TXNDC9: variants seen among roughly 807,000 people sequenced by gnomAD.
TXNDC9 encodes thioredoxin domain-containing protein 9.
Under a neutral mutation model 23.0 loss-of-function variants are expected in TXNDC9, and 7 were observed. That is an observed-to-expected ratio of 0.30 (90% CI 0.17 to 0.57). TXNDC9 has a LOEUF of 0.57. TXNDC9 is among the 20% of genes least tolerant of loss of function. The probability of loss-of-function intolerance (pLI) is 0.90; values close to 1 mark genes in which losing one functional copy is unlikely to be tolerated. For synonymous variants in TXNDC9, 72 were observed against 90.6 expected, an observed-to-expected ratio of 0.79 and a Z score of 1.17; for missense variants, 198 against 252.6, an observed-to-expected ratio of 0.78 and a Z score of 1.47.
chr2:99,315,529 T>C (rs2094187302), downstream of TXNDC9, among the ~76,000 whole-genome samples: 3 of 152,242 alleles, frequency 2.0e-5, no homozygotes, highest in Admixed American at 2.0e-4. Flanking sequence ...AGTGTTTTTA[T>C]ATTTGGTGTT....
chr2:99,315,062 A>ATTTT (rs748634802), downstream of TXNDC9, among the ~76,000 whole-genome samples: 1 of 107,974 alleles, frequency 9.3e-6, no homozygotes, highest in Non-Finnish European at 2.0e-5. Flanking sequence ...CGCCTGGTTA[A>ATTTT]TTTTTTTTTT....
intron 2 of TXNDC9, among the ~76,000 whole-genome samples, chr2:99,330,290 C>CAAGAAAAAAA (rs2094221726): frequency 3.6e-5 from 1 of 28,160 alleles, no homozygotes; most frequent in Non-Finnish European, 6.0e-5. Context: ...ACTCTTATCT[C>CAAGAAAAAAA]AAAAAAAAAA....
In TXNDC9 at chr2:99,321,981, G is replaced by A. The variant is rs746401217; in HGVS notation, c.537C>T (p.Leu179=). 10 of 1,611,372 alleles carry A rather than the reference G, an allele frequency of 6.2e-6. No individual in the cohort carries two copies. Among genetic ancestry groups the A allele is most frequent in the African/African-American group, 2.7e-5 (2 of 74,864 alleles). Residue 179 remains leucine (L), a synonymous_variant, in exon 4 of 5, where the codon CTC becomes CTT. Transcript: ENST00000264255. ...TGTAATTAAGAATGTCAGAAGAACC[G>A]AGCCTCCATTCTAAAGTTTCTGTGG... ...DFTTETLEWR[L]GSSDILNYSG... is the part of the protein sequence containing the mutation.
At chr2:99,326,483 T>C (rs2094213015) in intron 3 of TXNDC9, among the ~76,000 whole-genome samples, 2 of 152,218 alleles carry the variant, frequency 1.3e-5, no homozygotes, top group South Asian at 4.1e-4. Flanking sequence ...AGCTATGCTA[T>C]TAGCAAGTTT....
At chr2:99,320,616 T>G (rs137928717) in intron 4 of TXNDC9, among the ~76,000 whole-genome samples, 1 of 152,220 alleles carries the variant, frequency 6.6e-6, no homozygotes, top group Non-Finnish European at 1.5e-5. Flanking sequence ...GGACAATTAT[T>G]GGGACAATGA....
chr2:99,317,901 A>G (rs993395734), downstream of TXNDC9, among the ~76,000 whole-genome samples: 4 of 151,688 alleles, frequency 2.6e-5, no homozygotes, highest in Non-Finnish European at 5.9e-5. Context: ...AGCTGCCTCT[A>G]TTTTTTTGAG....
At chr2:99,335,522 A>G (rs902716620) in intron 1 of TXNDC9, among the ~76,000 whole-genome samples, 21 of 151,396 alleles carry the variant, frequency 1.4e-4, no homozygotes, top group African/African-American at 4.6e-4. Context: ...CGTGAGTGCT[A>G]TAAAATTGGA....
chr2:99,333,088 C>G lies in TXNDC9; in HGVS notation c.123G>C (p.Glu41Asp). The change falls in exon 2 of 5, where the codon GAG (glutamate) becomes GAC (aspartate). Residue 41 changes from glutamate to aspartate, a missense_variant. Transcript: ENST00000264255. ...SEIQKLDQMD[E>D]DELERLKEKR... ...TTTCTTTAAGGCGTTCCAATTCATC[C>G]TCATCCATCTGATCCAGTTTTTGAA... The G allele has an allele frequency of 6.2e-7, 1 of 1,614,080 alleles. No homozygotes were observed. Among genetic ancestry groups the G allele is most frequent in the Non-Finnish European group, 8.5e-7 (1 of 1,180,018 alleles).
intron 3 of TXNDC9, among the ~76,000 whole-genome samples, chr2:99,327,133 C>T (rs1186026980): frequency 1.7e-4 from 26 of 151,946 alleles, no homozygotes; most frequent in Non-Finnish European, 1.6e-4. Context: ...AGTGCAGTGT[C>T]GCGATCTCCG....
In TXNDC9 at chr2:99,321,951, T is replaced by TTACC. The variant is rs2094202867; in HGVS notation, c.563_563+3dup. On this transcript the variant is annotated splice_donor_region_variant and intron_variant, in intron 4 of 4. Transcript: ENST00000264255. Reference sequence around the variant, plus strand: ...AATCAATCTCTTCTTTTGTTAAAAGTTACCTGTAATTAAGAATGTCAGAAG... The same window carrying TTACC: ...AATCAATCTCTTCTTTTGTTAAAAGTTACCTACCTGTAATTAAGAATGTCAGAAG... 6.3e-7 allele frequency: 1 copy of TTACC among 1,598,918 alleles called. No individual in the cohort carries two copies. The highest frequency in any genetic ancestry group is 8.5e-7 in the Non-Finnish European group (1 of 1,172,974).
At position 99,324,066 on chromosome 2, in the gene TXNDC9, G is replaced by C. The variant is rs183780532; in HGVS notation, c.309-1857C>G. Among the ~76,000 whole-genome samples, 11 of 152,150 alleles carry C rather than the reference G, an allele frequency of 7.2e-5. No homozygotes were observed. The East Asian group carries it at 1.9e-3, about 27-fold the overall frequency. On this transcript the variant is annotated intron_variant, in intron 3 of 4. Transcript: ENST00000264255. ...TCACCATGTTGACTAGGCTGGTCTT[G>C]AACTGCTGACCTCAAGCAATCCACC...
chr2:99,325,873 T>G (rs1214227561), intron 3 of TXNDC9, among the ~76,000 whole-genome samples: 1 of 151,878 alleles, frequency 6.6e-6, no homozygotes, highest in African/African-American at 2.4e-5. Flanking sequence ...TAGCCGGGTG[T>G]AGTGGTGGGT....
chr2:99,312,261 T>C, the TXNDC9 span, among the ~76,000 whole-genome samples: 2 of 152,236 alleles, frequency 1.3e-5, no homozygotes, highest in South Asian at 4.1e-4. Context: ...TTTGGGAGGC[T>C]GAGGTGAGTG....
In TXNDC9 at chr2:99,332,977, C is replaced by T. The variant is rs546456271; in HGVS notation, c.189+45G>A. The T allele has an allele frequency of 7.8e-5, 115 of 1,472,822 alleles. 1 individual carries two copies. Among genetic ancestry groups the T allele is most frequent in the African/African-American group, 1.5e-4 (11 of 71,786 alleles). 91.2% of individuals were successfully genotyped at this position (1,472,822 alleles called of 1,614,324 possible). A position where few individuals can be genotyped will look rare whatever the true frequency, so the allele number is the denominator to read the frequency against. ...GCACATGTATATATAAGTTGTTAGG[C>T]GCATACTGTTATAGCAATTTCAGAA... On this transcript the variant is annotated intron_variant, in intron 2 of 4. Coordinates refer to ENST00000264255, the MANE Select transcript of TXNDC9 (RefSeq NM_005783.4).
intron 3 of TXNDC9, among the ~76,000 whole-genome samples, chr2:99,326,426 C>G (rs1191599007): frequency 3.9e-5 from 6 of 152,206 alleles, no homozygotes; most frequent in Non-Finnish European, 7.3e-5. Context: ...GCTTGTCTGT[C>G]CTGGGTAGGC....
intron 4 of TXNDC9, chr2:99,321,704 CTT>C (rs377762585): frequency 7.2e-5 from 29 of 403,378 alleles, no homozygotes; most frequent in African/African-American, 5.6e-4. Flanking sequence ...AAGCTGAAAA[CTT>C]TTATAGTCAG....
At chr2:99,329,002 T>C (rs1199883442) in intron 2 of TXNDC9, among the ~76,000 whole-genome samples, 1 of 151,798 alleles carries the variant, frequency 6.6e-6, no homozygotes, top group Non-Finnish European at 1.5e-5. Context: ...AAAATAAAAA[T>C]AATGCTTATG....
rs554178792 is a variant in TXNDC9 at position 99,334,469 on chromosome 2, G to A, written c.-32-1227C>T. On this transcript the variant is annotated intron_variant, in intron 1 of 4. Transcript: ENST00000264255. ...TAGACTATTTACACAAACCCAGATG[G>A]TACAGCCTGCTACACACCTAGGCTA... 1.2e-4 allele frequency among the ~76,000 whole-genome samples: 19 copies of A among 152,254 alleles called. No individual in the cohort carries two copies. In the South Asian group the frequency reaches 3.9e-3, roughly 32 times the overall value.
chr2:99,317,421 C>T (rs553901478), downstream of TXNDC9, among the ~76,000 whole-genome samples: 64 of 152,244 alleles, frequency 4.2e-4, no homozygotes, highest in African/African-American at 1.5e-3. Flanking sequence ...CAGTTAAGTC[C>T]ACTTACCCTG....
Sources: allele counts gnomAD v4.1 joint callset (sites outside exome capture counted in the v4.1 genomes callset), GRCh38; gene constraint gnomAD v4.1.1; transcripts MANE v1.5; gene names NCBI Gene and HGNC (gene_info 2026-07-23, HGNC 2026-07-21).